The following CNTNAP4 variants were observed in gnomAD, a reference collection of about 807,000 sequenced individuals.
The protein encoded by CNTNAP4 is contactin-associated protein-like 4.
A neutral mutation model predicts 148.4 loss-of-function variants in CNTNAP4; 98 were observed. The ratio of observed to expected loss-of-function variants is 0.66; its 90% CI spans 0.56 to 0.78. The LOEUF is 0.78. CNTNAP4 is among the 30% of genes least tolerant of loss of function. CNTNAP4 has a pLI of 0.00. For missense variants in CNTNAP4, 1,935 were observed against 1,565.6 expected, an observed-to-expected ratio of 1.24 and a Z score of -3.98; for synonymous variants, 730 against 565.1, an observed-to-expected ratio of 1.29 and a Z score of -4.14.
At chr16:76,384,705 A>T (rs539864394) in intron 3 of CNTNAP4, among the ~76,000 whole-genome samples, 2 of 152,190 alleles carry the variant, frequency 1.3e-5, no homozygotes, top group African/African-American at 2.4e-5. Context: ...ATGCTTCATC[A>T]TGACCTCGAA....
chr16:76,359,650 A>C (rs2013158927), intron 3 of CNTNAP4, among the ~76,000 whole-genome samples: 1 of 152,176 alleles, frequency 6.6e-6, no homozygotes, highest in Non-Finnish European at 1.5e-5. Flanking sequence ...TCAGTGAAAA[A>C]TTTATAGTGC....
chr16:76,441,962 C>G (rs1206727625), intron 4 of CNTNAP4, among the ~76,000 whole-genome samples: 4 of 152,116 alleles, frequency 2.6e-5, no homozygotes, highest in East Asian at 1.9e-4. Context: ...TTAAGTAACT[C>G]ACTGTGATAA....
At chr16:76,547,350 C>A (rs2084781261) in intron 21 of CNTNAP4, among the ~76,000 whole-genome samples, 2 of 151,930 alleles carry the variant, frequency 1.3e-5, no homozygotes, top group African/African-American at 4.8e-5. Context: ...AAAATATGCC[C>A]ACATTTTGAA....
At chr16:76,447,516 A>ACT (rs2080293668) in intron 4 of CNTNAP4, among the ~76,000 whole-genome samples, 1 of 152,152 alleles carries the variant, frequency 6.6e-6, no homozygotes. Flanking sequence ...TTGACTGGTC[A>ACT]GAAGCTGGAC....
intron 3 of CNTNAP4, among the ~76,000 whole-genome samples, chr16:76,426,547 T>C (rs982636436): frequency 3.9e-5 from 6 of 152,216 alleles, no homozygotes; most frequent in South Asian, 2.1e-4. Context: ...CCACCTGTAG[T>C]CTTAACAGTG....
intron 13 of CNTNAP4, among the ~76,000 whole-genome samples, chr16:76,494,123 G>A (rs955119494): frequency 2.7e-5 from 4 of 149,954 alleles, no homozygotes; most frequent in African/African-American, 9.8e-5. Context: ...CATGCTTCAC[G>A]TCCTTCTCTG....
chr16:76,473,360 T>G (rs980813018), intron 10 of CNTNAP4, among the ~76,000 whole-genome samples: 1 of 152,232 alleles, frequency 6.6e-6, no homozygotes. Context: ...TTCTTTTTTA[T>G]TTTTTCCTGG....
intron 15 of CNTNAP4, among the ~76,000 whole-genome samples, chr16:76,503,667 A>C (rs745826400): frequency 1.3e-5 from 2 of 151,822 alleles, no homozygotes; most frequent in Admixed American, 6.6e-5. Context: ...TCCTAATGCT[A>C]TCCCTCCCCC....
At chr16:76,479,976 C>G (rs894889498) in intron 12 of CNTNAP4, among the ~76,000 whole-genome samples, 2 of 152,186 alleles carry the variant, frequency 1.3e-5, no homozygotes, top group African/African-American at 4.8e-5. Flanking sequence ...AAACACTCAA[C>G]AAATTACCAA....
chr16:76,428,704 C>T (rs971730482), intron 4 of CNTNAP4, among the ~76,000 whole-genome samples: 10 of 151,826 alleles, frequency 6.6e-5, no homozygotes, highest in African/African-American at 2.4e-4. Flanking sequence ...TCCTCCAGGG[C>T]CTACAGAATA....
intron 21 of CNTNAP4, among the ~76,000 whole-genome samples, chr16:76,546,674 C>G (rs1011398190): frequency 3.9e-5 from 6 of 152,136 alleles, no homozygotes; most frequent in African/African-American, 1.4e-4. Context: ...TGAATCATCC[C>G]AAAGCCATCC....
intron 9 of CNTNAP4, among the ~76,000 whole-genome samples, chr16:76,465,509 A>G (rs959624930): frequency 2.0e-5 from 3 of 152,144 alleles, no homozygotes. Context: ...TGCACAATTT[A>G]TTTTATTCTG....
At chr16:76,491,272 G>C (rs971756372) in intron 13 of CNTNAP4, among the ~76,000 whole-genome samples, 1 of 152,200 alleles carries the variant, frequency 6.6e-6, no homozygotes, top group Non-Finnish European at 1.5e-5. Context: ...ATGAGGATCA[G>C]ACAGTTGTAG....
At chr16:76,406,154 T>C (rs2078593551) in intron 3 of CNTNAP4, among the ~76,000 whole-genome samples, 2 of 152,312 alleles carry the variant, frequency 1.3e-5, no homozygotes, top group Non-Finnish European at 2.9e-5. Context: ...TCACTTTGTG[T>C]CTCTGTGTCA....
chr16:76,373,894 TCA>T (rs1399371994), intron 3 of CNTNAP4, among the ~76,000 whole-genome samples: 1 of 56,400 alleles, frequency 1.8e-5, no homozygotes. Flanking sequence ...AAACTCCATC[TCA>T]CAAAAAAAAA....
chr16:76,446,415 G>C (rs2080247293), intron 4 of CNTNAP4, among the ~76,000 whole-genome samples: 1 of 152,088 alleles, frequency 6.6e-6, no homozygotes. Context: ...GTGAAATGTA[G>C]ACAATACCGT....
intron 3 of CNTNAP4, among the ~76,000 whole-genome samples, chr16:76,410,129 A>T (rs761160470): frequency 6.6e-6 from 1 of 151,708 alleles, no homozygotes; most frequent in Non-Finnish European, 1.5e-5. Flanking sequence ...GGTCATACTA[A>T]GGTCTCCAGT....
rs373062924 is a variant in CNTNAP4 at position 76,328,757 on chromosome 16, T to C, written c.196+12234T>C. Reference sequence around the variant, plus strand: ...GCCTCCCAGGTTCAAGTGATTCTCCTGCCTCAGCCTCCTGAGTAGCTGGGA... The same window carrying C: ...GCCTCCCAGGTTCAAGTGATTCTCCCGCCTCAGCCTCCTGAGTAGCTGGGA... On this transcript the variant is annotated intron_variant, in intron 2 of 23. Coordinates refer to ENST00000611870, the MANE Select transcript of CNTNAP4 (RefSeq NM_033401.5). Among the ~76,000 whole-genome samples, 10 of 152,268 alleles carry C rather than the reference T, an allele frequency of 6.6e-5. No individual in the cohort carries two copies. In the East Asian group the frequency reaches 9.7e-4, roughly 15 times the overall value.
intron 12 of CNTNAP4, among the ~76,000 whole-genome samples, chr16:76,485,147 C>G (rs1348244028): frequency 1.3e-5 from 2 of 152,044 alleles, no homozygotes; most frequent in African/African-American, 2.4e-5. Flanking sequence ...GACAAAGTTT[C>G]ACTCTTGTTG....
Sources: gnomAD v4.1 joint callset for allele counts (sites outside exome capture counted in the v4.1 genomes callset) on GRCh38, gnomAD v4.1.1 for gene constraint, MANE v1.5 for transcripts, NCBI Gene and HGNC (gene_info 2026-07-23, HGNC 2026-07-21) for gene names.